LMNTD1: variants seen among roughly 807,000 people sequenced by gnomAD.
LMNTD1 encodes lamin tail domain-containing protein 1.
LMNTD1 carries 35 observed loss-of-function variants against 50.9 expected under a neutral mutation model. The ratio of observed to expected loss-of-function variants is 0.69; its 90% CI spans 0.53 to 0.91. The LOEUF (loss-of-function observed/expected upper bound fraction) is 0.91, where lower values mean the gene tolerates loss of function less well. Ranked by LOEUF, LMNTD1 falls within the 40% of genes least tolerant of loss-of-function variation. The pLI, the probability that LMNTD1 is intolerant of heterozygous loss-of-function variation, is 0.00. For synonymous variants in LMNTD1, 153 were observed against 161.9 expected (o/e 0.94, Z 0.42); for missense variants, 470 against 475.5 (o/e 0.99, Z 0.11).
chr12:25,578,663 G>A (rs1403957685), intron 1 of LMNTD1, among the ~76,000 whole-genome samples: 1 of 152,132 alleles, frequency 6.6e-6, no homozygotes, highest in Non-Finnish European at 1.5e-5. Flanking sequence ...GTTGCCATTT[G>A]CCAAGTCAGC....
chr12:25,544,762 C>T (rs2136216569), intron 4 of LMNTD1, among the ~76,000 whole-genome samples: 1 of 151,610 alleles, frequency 6.6e-6, no homozygotes, highest in Admixed American at 6.6e-5. Flanking sequence ...AAACATCTTA[C>T]AGCTATAACA....
rs1002519052 is a variant in LMNTD1 at position 25,511,744 on chromosome 12, G to A, written c.1189+7051C>T. On this transcript the variant is annotated intron_variant, in intron 8 of 9. Transcript: ENST00000458174. Reference sequence around the variant, plus strand: ...ATACAGTTGAAACTCTAACATGGTGGTGTACAAATACCTCTAACATCTAGT... The same window carrying A: ...ATACAGTTGAAACTCTAACATGGTGATGTACAAATACCTCTAACATCTAGT... Among the ~76,000 whole-genome samples, 4 of 152,138 alleles carry A rather than the reference G, an allele frequency of 2.6e-5. No homozygotes were observed. The East Asian group carries it at 5.8e-4, about 22-fold the overall frequency.
chr12:25,617,439 C>A (rs950186620), intron 1 of LMNTD1, among the ~76,000 whole-genome samples: 1 of 152,088 alleles, frequency 6.6e-6, no homozygotes, highest in African/African-American at 2.4e-5. Context: ...ATCTCTTGGA[C>A]AAGTGGAGGG....
intron 8 of LMNTD1, among the ~76,000 whole-genome samples, chr12:25,517,809 C>T (rs1043539075): frequency 2.6e-5 from 4 of 151,692 alleles, no homozygotes; most frequent in African/African-American, 7.2e-5. Context: ...AAATTTCCAT[C>T]ATTCCACTTC....
At position 25,519,909 on chromosome 12, in the gene LMNTD1, T is replaced by C. The variant is rs371765833; in HGVS notation, c.965A>G (p.Lys322Arg). ...CACCTGATAATTTGAGATATCTTTC[T>C]TAGGTTGATCTTGTTTTTCTTTAGT... ...TITKEKQDQPKKDISNYQVEQ... is the reference protein window; with the variant it reads ...TITKEKQDQPRKDISNYQVEQ... Residue 322 changes from lysine (K) to arginine (R), a missense_variant, in exon 7 of 10, where the codon AAG becomes AGG. Lys to Arg is a conservative substitution (Grantham distance 26). Coordinates refer to ENST00000458174, the MANE Select transcript of LMNTD1 (RefSeq NM_001145728.2). 9 of 1,612,608 alleles carry C rather than the reference T, an allele frequency of 5.6e-6. No individual in the cohort carries two copies. The highest frequency in any genetic ancestry group is 1.7e-4 in the Middle Eastern group (1 of 5,794).
At chr12:25,604,447 A>T (rs1946049470) in intron 1 of LMNTD1, among the ~76,000 whole-genome samples, 1 of 152,068 alleles carries the variant, frequency 6.6e-6, no homozygotes, top group Non-Finnish European at 1.5e-5. Context: ...TGCTGCACCC[A>T]TTAACTCGTC....
intron 1 of LMNTD1, among the ~76,000 whole-genome samples, chr12:25,596,872 T>C (rs1945854710): frequency 6.6e-6 from 1 of 151,864 alleles, no homozygotes; most frequent in African/African-American, 2.4e-5. Context: ...CATAGTACAA[T>C]AAATGTAAAT....
chr12:25,571,911 A>C (rs929266138), intron 1 of LMNTD1, among the ~76,000 whole-genome samples: 2 of 152,126 alleles, frequency 1.3e-5, no homozygotes, highest in African/African-American at 2.4e-5. Flanking sequence ...CCTCAAGTTG[A>C]TCCACCTGCC....
chr12:25,630,470 C>T (rs1054017728), intron 1 of LMNTD1: 8 of 152,114 alleles, frequency 5.3e-5, no homozygotes, highest in African/African-American at 1.9e-4. Flanking sequence ...CCTGCAGGAC[C>T]CAGGAGACAC....
chr12:25,489,348 CG>C (rs1165030427), intron 9 of LMNTD1, among the ~76,000 whole-genome samples: 1 of 151,300 alleles, frequency 6.6e-6, no homozygotes, highest in African/African-American at 2.4e-5. Flanking sequence ...TTTTTTAAGC[CG>C]GTCTGAAAAG....
chr12:25,591,851 G>A (rs563382816), intron 1 of LMNTD1, among the ~76,000 whole-genome samples: 1 of 147,250 alleles, frequency 6.8e-6, no homozygotes, highest in Admixed American at 6.7e-5. Context: ...GAGAGAGAGA[G>A]AGAGAGACTC....
intron 1 of LMNTD1, among the ~76,000 whole-genome samples, chr12:25,609,665 C>T (rs771223022): frequency 6.6e-6 from 1 of 152,184 alleles, no homozygotes. Context: ...TGCAGAATAG[C>T]AAATATTGTA....
chr12:25,534,145 C>CT (rs796165974), intron 4 of LMNTD1, among the ~76,000 whole-genome samples: 8 of 151,432 alleles, frequency 5.3e-5, no homozygotes, highest in African/African-American at 1.2e-4. Flanking sequence ...CCTACAACTC[C>CT]TTTTTTTTTC....
At chr12:25,501,536 A>C (rs964969024) in intron 9 of LMNTD1, among the ~76,000 whole-genome samples, 4 of 152,162 alleles carry the variant, frequency 2.6e-5, no homozygotes, top group African/African-American at 9.7e-5. Flanking sequence ...AGTGGTGTGG[A>C]AGAGCAATGG....
At chr12:25,589,733 A>G (rs1188976825) in intron 1 of LMNTD1, among the ~76,000 whole-genome samples, 1 of 152,360 alleles carries the variant, frequency 6.6e-6, no homozygotes, top group East Asian at 1.9e-4. Context: ...CATGGCACAA[A>G]TATTCTCCAC....
chr12:25,641,187 A>G (rs1471803390), intron 1 of LMNTD1, among the ~76,000 whole-genome samples: 1 of 152,192 alleles, frequency 6.6e-6, no homozygotes, highest in Non-Finnish European at 1.5e-5. Context: ...TAAGTGCAAG[A>G]AGGTAATAGT....
intron 1 of LMNTD1, among the ~76,000 whole-genome samples, chr12:25,559,315 A>G (rs993106433): frequency 7.2e-5 from 11 of 152,092 alleles, no homozygotes; most frequent in East Asian, 3.9e-4. Context: ...CTGTCCTTGC[A>G]ATACTTTGCT....
chr12:25,490,273 A>C (rs1938840466), intron 9 of LMNTD1, among the ~76,000 whole-genome samples: 1 of 152,234 alleles, frequency 6.6e-6, no homozygotes, highest in South Asian at 2.1e-4. Flanking sequence ...AAGAACTAGC[A>C]AAACTCCACT....
chr12:25,567,880 C>A (rs1944622558), intron 1 of LMNTD1, among the ~76,000 whole-genome samples: 2 of 139,774 alleles, frequency 1.4e-5, no homozygotes, highest in South Asian at 4.7e-4. Flanking sequence ...TTCTTTATAG[C>A]AATGTAAGAG....
Sources: allele counts gnomAD v4.1 joint callset (sites outside exome capture counted in the v4.1 genomes callset), GRCh38; gene constraint gnomAD v4.1.1; transcripts MANE v1.5; gene names NCBI Gene and HGNC (gene_info 2026-07-23, HGNC 2026-07-21).